Variants in UMAD1 observed in about 807,000 individuals in gnomAD.
The protein encoded by UMAD1 is UBAP1-MVB12-associated (UMA)-domain containing protein 1.
UMAD1 carries 8 observed loss-of-function variants against 6.1 expected under a neutral mutation model. That is an observed-to-expected ratio of 1.30 (90% CI 0.76 to 2.35). The LOEUF is 2.35. Ranked by LOEUF, UMAD1 falls within the 30% of genes most tolerant of loss-of-function variation. The pLI, the probability that UMAD1 is intolerant of heterozygous loss-of-function variation, is 0.00. For synonymous variants in UMAD1, 56 were observed against 31.4 expected, an observed-to-expected ratio of 1.78 and a Z score of -2.61; for missense variants, 130 against 78.4, an observed-to-expected ratio of 1.66 and a Z score of -2.49.
intron 3 of UMAD1, among the ~76,000 whole-genome samples, chr7:7,827,462 AT>A (rs1783371470): frequency 6.6e-6 from 1 of 152,074 alleles, no homozygotes; most frequent in African/African-American, 2.4e-5. Flanking sequence ...TCTTTAAAAT[AT>A]TTTTAGTATT....
At chr7:7,845,216 T>C (rs1397560442) in intron 3 of UMAD1, among the ~76,000 whole-genome samples, 1 of 152,076 alleles carries the variant, frequency 6.6e-6, no homozygotes, top group Non-Finnish European at 1.5e-5. Flanking sequence ...ACTGACGTTT[T>C]AGATATATTG....
chr7:7,641,892 C>A (rs760288078), intron 1 of UMAD1, among the ~76,000 whole-genome samples: 6 of 152,180 alleles, frequency 3.9e-5, no homozygotes, highest in Non-Finnish European at 5.9e-5. Context: ...ATGATAGTCT[C>A]CCTTAGTGTT....
chr7:7,797,139 A>G (rs1449286189), intron 2 of UMAD1, among the ~76,000 whole-genome samples: 2 of 152,200 alleles, frequency 1.3e-5, no homozygotes, highest in African/African-American at 2.4e-5. Context: ...TCATGGCAGA[A>G]GGTGAAGGGA....
At chr7:7,873,751 C>T (rs1315862019) in intron 3 of UMAD1, among the ~76,000 whole-genome samples, 1 of 152,086 alleles carries the variant, frequency 6.6e-6, no homozygotes, top group African/African-American at 2.4e-5. Context: ...TGGATTTTTT[C>T]CTTTCTTATG....
chr7:7,648,084 G>A (rs1410542208), intron 1 of UMAD1, among the ~76,000 whole-genome samples: 1 of 152,208 alleles, frequency 6.6e-6, no homozygotes, highest in African/African-American at 2.4e-5. Flanking sequence ...AGCTGGCCTG[G>A]GAGGTCTCAG....
At chr7:7,789,900 A>G (rs1203277500) in intron 2 of UMAD1, among the ~76,000 whole-genome samples, 1 of 152,116 alleles carries the variant, frequency 6.6e-6, no homozygotes, top group Non-Finnish European at 1.5e-5. Context: ...GCATGGTGCT[A>G]CTGTGAACAT....
intron 3 of UMAD1, among the ~76,000 whole-genome samples, chr7:7,867,948 TGGG>T (rs1025444892): frequency 2.0e-5 from 3 of 151,460 alleles, no homozygotes; most frequent in African/African-American, 7.3e-5. Context: ...ATACATTTGT[TGGG>T]GGGTAGAGCA....
intron 2 of UMAD1, among the ~76,000 whole-genome samples, chr7:7,749,216 CAATA>C (rs1781631935): frequency 6.6e-6 from 1 of 152,122 alleles, no homozygotes; most frequent in African/African-American, 2.4e-5. Context: ...AACAATTCCA[CAATA>C]AATAGAGTGA....
chr7:7,675,243 G>T (rs963224915), intron 2 of UMAD1, among the ~76,000 whole-genome samples: 67 of 152,204 alleles, frequency 4.4e-4, no homozygotes, highest in African/African-American at 1.5e-3. Flanking sequence ...CTGTAAGTTG[G>T]GTGTACTGGC....
chr7:7,825,443 G>A (rs1160411915), intron 3 of UMAD1, among the ~76,000 whole-genome samples: 2 of 152,124 alleles, frequency 1.3e-5, no homozygotes, highest in Non-Finnish European at 2.9e-5. Context: ...TGGTTGGGAA[G>A]GCCTCACAAT....
At chr7:7,750,765 G>T (rs2115218870) in intron 2 of UMAD1, among the ~76,000 whole-genome samples, 1 of 152,300 alleles carries the variant, frequency 6.6e-6, no homozygotes, top group African/African-American at 2.4e-5. Context: ...GAACATGGCG[G>T]AGCTGAGATA....
chr7:7,851,586 T>C (rs1235954518), intron 3 of UMAD1, among the ~76,000 whole-genome samples: 1 of 152,176 alleles, frequency 6.6e-6, no homozygotes, highest in Non-Finnish European at 1.5e-5. Context: ...ACTTCTTGAT[T>C]ATAACCATCC....
At chr7:7,702,330 A>C (rs1013925192) in intron 2 of UMAD1, among the ~76,000 whole-genome samples, 3 of 152,160 alleles carry the variant, frequency 2.0e-5, no homozygotes, top group African/African-American at 7.2e-5. Context: ...ACTGACTTTT[A>C]AGGAAAGATG....
intron 2 of UMAD1, among the ~76,000 whole-genome samples, chr7:7,737,579 A>G (rs1247352651): frequency 6.6e-6 from 1 of 152,212 alleles, no homozygotes; most frequent in African/African-American, 2.4e-5. Flanking sequence ...AAAACTCAGT[A>G]TTATTTGATT....
intron 2 of UMAD1, among the ~76,000 whole-genome samples, chr7:7,774,516 G>C (rs966889525): frequency 4.6e-5 from 7 of 152,222 alleles, no homozygotes. Flanking sequence ...GAAAGAGAGA[G>C]AGCTTGAGAA....
At chr7:7,875,126 T>G (rs933510305) in intron 3 of UMAD1, among the ~76,000 whole-genome samples, 4 of 152,174 alleles carry the variant, frequency 2.6e-5, no homozygotes, top group Non-Finnish European at 5.9e-5. Flanking sequence ...TGTCAGCATT[T>G]ATAACCATTA....
chr7:7,670,654 A>G (rs540132233), intron 1 of UMAD1, among the ~76,000 whole-genome samples: 2 of 152,340 alleles, frequency 1.3e-5, no homozygotes, highest in African/African-American at 4.8e-5. Flanking sequence ...CTGATACACA[A>G]GAGTCTGTTC....
chr7:7,705,780 T>TA (rs1456267561), intron 2 of UMAD1, among the ~76,000 whole-genome samples: 1 of 152,160 alleles, frequency 6.6e-6, no homozygotes, highest in Non-Finnish European at 1.5e-5. Flanking sequence ...AACCCTAATG[T>TA]AAAATATGGA....
chr7:7,737,970 A>G (rs1379537869), intron 2 of UMAD1, among the ~76,000 whole-genome samples: 1 of 152,224 alleles, frequency 6.6e-6, no homozygotes, highest in African/African-American at 2.4e-5. Flanking sequence ...GTGTCACTAA[A>G]ACTTTGTCCT....
Sources: gnomAD v4.1 joint callset for allele counts (sites outside exome capture counted in the v4.1 genomes callset) on GRCh38, gnomAD v4.1.1 for gene constraint, MANE v1.5 for transcripts, NCBI Gene and HGNC (gene_info 2026-07-23, HGNC 2026-07-21) for gene names.